ARID1B: variants seen among roughly 807,000 people sequenced by gnomAD.
ARID1B encodes AT-rich interactive domain-containing protein 1B.
In ARID1B, 30 loss-of-function variants were observed where a neutral mutation model predicts 212.3. That is an observed-to-expected ratio of 0.14 (90% CI 0.11 to 0.19). The LOEUF (loss-of-function observed/expected upper bound fraction) is 0.19, where lower values mean the gene tolerates loss of function less well. Among genes scored for constraint, ARID1B ranks in the 10% least tolerant of loss-of-function variants. The probability of loss-of-function intolerance (pLI) is 1.00; values close to 1 mark genes in which losing one functional copy is unlikely to be tolerated. For synonymous variants in ARID1B, 1,402 were observed against 1,301.7 expected, an observed-to-expected ratio of 1.08 and a Z score of -1.66; for missense variants, 2,891 against 3,204.0, an observed-to-expected ratio of 0.90 and a Z score of 2.36.
intron 6 of ARID1B, among the ~76,000 whole-genome samples, chr6:157,123,536 C>T (rs1384819735): frequency 6.6e-6 from 1 of 152,200 alleles, no homozygotes; most frequent in Non-Finnish European, 1.5e-5. Flanking sequence ...CCTGGAGCCA[C>T]CACTCCCTAG....
At chr6:156,935,206 C>T (rs749556619) in intron 3 of ARID1B, among the ~76,000 whole-genome samples, 113 of 151,772 alleles carry the variant, frequency 7.4e-4, no homozygotes, top group Non-Finnish European at 6.8e-4. Context: ...TATCCTCCCA[C>T]CTCAGCCTCC....
At chr6:156,914,474 G>A (rs78943202) in intron 3 of ARID1B, among the ~76,000 whole-genome samples, 8,419 of 152,210 alleles carry the variant, frequency 0.055, 804 homozygotes, top group African/African-American at 0.19. Flanking sequence ...CTTTGTGGCC[G>A]CTCCTTGCCT....
intron 2 of ARID1B, among the ~76,000 whole-genome samples, chr6:156,887,467 A>C (rs1275983177): frequency 6.6e-6 from 1 of 152,220 alleles, no homozygotes; most frequent in African/African-American, 2.4e-5. Context: ...TAGATAGATT[A>C]ATGAGTACAT....
At chr6:156,817,207 C>G (rs1782027823) in intron 1 of ARID1B, among the ~76,000 whole-genome samples, 1 of 150,958 alleles carries the variant, frequency 6.6e-6, no homozygotes, top group Admixed American at 6.6e-5. Flanking sequence ...AAAACCCTGT[C>G]TCTACTAAAA....
chr6:156,828,240 G>T (rs934642848), intron 1 of ARID1B, among the ~76,000 whole-genome samples: 1 of 151,944 alleles, frequency 6.6e-6, no homozygotes, highest in East Asian at 1.9e-4. Context: ...TTTTTAATTT[G>T]TTGTAGAGAC....
intron 3 of ARID1B, among the ~76,000 whole-genome samples, chr6:156,925,591 T>C (rs1013564455): frequency 2.6e-5 from 4 of 152,208 alleles, no homozygotes; most frequent in African/African-American, 9.7e-5. Context: ...AATAATATCC[T>C]GAATATTCTT....
intron 8 of ARID1B, among the ~76,000 whole-genome samples, chr6:157,154,583 T>G (rs1035801690): frequency 5.6e-5 from 8 of 142,666 alleles, no homozygotes; most frequent in East Asian, 2.0e-4. Flanking sequence ...TTTTTTTGTT[T>G]TTTTTTTTTT....
chr6:157,144,598 T>C (rs1789590874), intron 7 of ARID1B, among the ~76,000 whole-genome samples: 1 of 152,038 alleles, frequency 6.6e-6, no homozygotes, highest in South Asian at 2.1e-4. Context: ...GGATGTGAGC[T>C]TGGGGAGGAG....
intron 1 of ARID1B, among the ~76,000 whole-genome samples, chr6:156,823,792 CTG>C (rs1236773390): frequency 7.1e-6 from 1 of 140,310 alleles, no homozygotes; most frequent in Non-Finnish European, 1.5e-5. Flanking sequence ...ATCTAATAAA[CTG>C]TGTTCTTAAT....
intron 1 of ARID1B, among the ~76,000 whole-genome samples, chr6:156,825,421 C>G (rs538272205): frequency 6.6e-6 from 1 of 152,084 alleles, no homozygotes; most frequent in African/African-American, 2.4e-5. Context: ...TTAATGCTTT[C>G]GATTTTCAGA....
intron 16 of ARID1B, chr6:157,198,586 C>A (rs767850828): frequency 3.8e-6 from 2 of 528,906 alleles, no homozygotes; most frequent in Non-Finnish European, 6.8e-6. Context: ...TATTAGCCAA[C>A]AGCCCAAACT....
At chr6:157,005,506 A>G (rs1779197902) in intron 4 of ARID1B, among the ~76,000 whole-genome samples, 1 of 152,178 alleles carries the variant, frequency 6.6e-6, no homozygotes, top group Non-Finnish European at 1.5e-5. Flanking sequence ...TAAAATGACA[A>G]TACTTACTGG....
At chr6:156,866,418 G>T (rs1426802563) in intron 2 of ARID1B, among the ~76,000 whole-genome samples, 1 of 152,152 alleles carries the variant, frequency 6.6e-6, no homozygotes, top group East Asian at 1.9e-4. Context: ...TTGTCAGCTG[G>T]GTGTCGGACT....
chr6:156,778,957 C>T lies in ARID1B; in HGVS notation c.1277C>T (p.Ala426Val), dbSNP rs1189673365. The change falls in exon 1 of 20, where the codon GCC (alanine) becomes GTC (valine). Residue 426 changes from alanine to valine, a missense_variant. Physicochemically the swap from Ala to Val is moderately conservative, Grantham distance 64 (BLOSUM62 0). Around this residue, in one of 7 missense-constraint regions of ARID1B, gnomAD observed 1,643 missense variants for 1,544.0 expected, o/e 1.06. Coordinates refer to ENST00000636930, the MANE Select transcript of ARID1B (RefSeq NM_001374828.1). ...GGAGCGGGAGCTGTGGCGGCGGCGG[C>T]CGCGGCGGCGGCGGCAGCAGCAGGA... ...GAGAGAVAAA[A>V]AAAAAAAGGG... 3.9e-6 allele frequency: 5 copies of T among 1,284,430 alleles called. No homozygotes were observed. Among genetic ancestry groups the T allele is most frequent in the South Asian group, 3.1e-5 (1 of 32,774 alleles). The allele number at this position is 1,284,430 out of a possible 1,614,324, so 79.6% of individuals were successfully genotyped here. A position where few individuals can be genotyped will look rare whatever the true frequency, so the allele number is the denominator to read the frequency against.
rs145785954 is a variant in ARID1B at position 156,829,236 on chromosome 6, A to G, written c.1801A>G (p.Met601Val). Residue 601 changes from methionine (M) to valine (V), a missense_variant, in exon 2 of 20, where the codon ATG becomes GTG. Physicochemically the swap from Met to Val is conservative, Grantham distance 21. This residue lies in a region of ARID1B where 1,643 missense variants were observed against 1,544.0 expected (regional missense o/e 1.06). Coordinates refer to ENST00000636930, the MANE Select transcript of ARID1B (RefSeq NM_001374828.1). Reference protein sequence around the residue: ...PTMGRSQGSPMDPMVMKRPQL... With the variant: ...PTMGRSQGSPVDPMVMKRPQL... Reference sequence around the variant, plus strand: ...TTTTATGTCTTCACAGGGCAGCCCAATGGATCCAATGGTGATGAAGAGACC... The same window carrying G: ...TTTTATGTCTTCACAGGGCAGCCCAGTGGATCCAATGGTGATGAAGAGACC... 4.1e-5 allele frequency: 66 copies of G among 1,612,414 alleles called. No individual in the cohort carries two copies. Among genetic ancestry groups the G allele is most frequent in the African/African-American group, 3.3e-4 (25 of 75,050 alleles).
chr6:156,813,857 T>G (rs1310278940), intron 1 of ARID1B, among the ~76,000 whole-genome samples: 1 of 152,152 alleles, frequency 6.6e-6, no homozygotes, highest in African/African-American at 2.4e-5. Context: ...GAGCTGTTGC[T>G]GTTTTTTTTG....
Position 157,209,141 on chromosome 6 carries a change from AAG to A in ARID1B, c.*1252_*1253del, listed in dbSNP as rs1295226338. 2.2e-5 allele frequency: 5 copies of A among 230,104 alleles called. No homozygotes were observed. The highest frequency in any genetic ancestry group is 6.2e-5 in the East Asian group (1 of 16,074). The allele number at this position is 230,104 out of a possible 1,614,324, so 14.3% of individuals were successfully genotyped here. ...GATAATGTAGTTTAAAAAAAAAAAAAAGAAAAAAACTTGATGTAAATTCCTCC... is the reference window on the plus strand; with the variant it reads ...GATAATGTAGTTTAAAAAAAAAAAAAAAAAAAACTTGATGTAAATTCCTCC... On this transcript the variant is annotated 3_prime_UTR_variant, in exon 20 of 20. Transcript: ENST00000636930.
chr6:156,934,569 T>A (rs1391809507), intron 3 of ARID1B, among the ~76,000 whole-genome samples: 2 of 152,170 alleles, frequency 1.3e-5, no homozygotes, highest in African/African-American at 2.4e-5. Context: ...TATGGAGTTC[T>A]ATATATGCGT....
chr6:157,032,354 C>T (rs891679391), intron 4 of ARID1B, among the ~76,000 whole-genome samples: 20 of 152,042 alleles, frequency 1.3e-4, no homozygotes, highest in African/African-American at 2.4e-4. Context: ...CATATTTGTA[C>T]GTTTTTTTCT....
Sources: allele counts gnomAD v4.1 joint callset (sites outside exome capture counted in the v4.1 genomes callset), GRCh38; gene constraint gnomAD v4.1.1; regional missense constraint gnomAD v4.1.1; transcripts MANE v1.5; gene names NCBI Gene and HGNC (gene_info 2026-07-23, HGNC 2026-07-21).